The following HTRA1 variants were observed in gnomAD, a reference collection of about 807,000 sequenced individuals.
The protein encoded by HTRA1 is serine protease HTRA1.
Under a neutral mutation model 49.7 loss-of-function variants are expected in HTRA1, and 26 were observed. The observed-to-expected ratio is 0.52, with a 90% CI of 0.38 to 0.73. The LOEUF (loss-of-function observed/expected upper bound fraction) is 0.73. Ranked by LOEUF, HTRA1 falls within the 30% of genes least tolerant of loss-of-function variation. The pLI is 0.00. For synonymous variants in HTRA1, 291 were observed against 286.9 expected (o/e 1.01, Z -0.14); for missense variants, 561 against 667.2 (o/e 0.84, Z 1.75).
chr10:122,508,667 G>T lies in HTRA1; in HGVS notation c.1017G>T (p.Val339=). The change falls in exon 6 of 9, where the codon GTG becomes GTT. Residue 339 remains valine (V), a synonymous_variant. Transcript: ENST00000368984. The part of the protein sequence containing the change: ...GGPLVNLDGE[V]IGINTLKVTA... ...TTCTTGCTTTTCAGGACGGTGAAGTGATTGGAATTAACACTTTGAAAGTGA... is the reference window on the plus strand; with the variant it reads ...TTCTTGCTTTTCAGGACGGTGAAGTTATTGGAATTAACACTTTGAAAGTGA... 6.2e-7 allele frequency: 1 copy of T among 1,609,564 alleles called. No individual in the cohort carries two copies. Among genetic ancestry groups the T allele is most frequent in the Non-Finnish European group, 8.5e-7 (1 of 1,175,802 alleles).
chr10:122,488,433 G>A (rs969637187), intron 1 of HTRA1, among the ~76,000 whole-genome samples: 7 of 152,112 alleles, frequency 4.6e-5, no homozygotes, highest in African/African-American at 1.7e-4. Flanking sequence ...AAGGTGGTGG[G>A]TGCCTGTAAT....
intron 1 of HTRA1, among the ~76,000 whole-genome samples, chr10:122,469,359 G>T (rs1001765234): frequency 3.3e-5 from 5 of 152,198 alleles, no homozygotes; most frequent in African/African-American, 9.6e-5. Flanking sequence ...TTTGGTGCCA[G>T]TTTTCTAAGT....
At chr10:122,489,756 G>A (rs2097494912) in intron 3 of HTRA1, 130 bp downstream of exon 3, 1 of 856,462 alleles carries the variant, frequency 1.2e-6, no homozygotes, top group African/African-American at 1.7e-5. Context: ...AGTCACAGGA[G>A]GGCCTTGAGG....
chr10:122,474,874 T>C (rs1043823598), intron 1 of HTRA1, among the ~76,000 whole-genome samples: 3 of 152,136 alleles, frequency 2.0e-5, no homozygotes, highest in East Asian at 1.9e-4. Context: ...AAGCAAGGAC[T>C]GAAAAACACA....
chr10:122,511,440 A>G (rs1038086715), intron 7 of HTRA1, among the ~76,000 whole-genome samples: 1 of 152,168 alleles, frequency 6.6e-6, no homozygotes, highest in East Asian at 1.9e-4. Context: ...AGAAATAATA[A>G]CAATGATGAT....
At position 122,506,759 on chromosome 10, in the gene HTRA1, C is replaced by A. The variant is rs754351568; in HGVS notation, c.846C>A (p.Ile282=). 1 of 1,613,866 alleles carries A rather than the reference C, an allele frequency of 6.2e-7. No individual in the cohort carries two copies. Among genetic ancestry groups the A allele is most frequent in the South Asian group, 1.1e-5 (1 of 91,076 alleles). Residue 282 remains isoleucine, a synonymous_variant, in exon 4 of 9, where the codon ATC becomes ATA. Coordinates refer to ENST00000368984, the MANE Select transcript of HTRA1 (RefSeq NM_002775.5). This position sits in a 1 kb window ranked among gnomAD's most constrained non-coding sequence, Gnocchi z 5.2. ...GGCCGGGAGAGTTCGTGGTCGCCAT[C>A]GGAAGCCCGTTTTCCCTTCAAAACA... is the stretch of plus-strand genomic sequence containing the variant. ...ELRPGEFVVA[I]GSPFSLQNTV...
chr10:122,503,306 G>A (rs1473403460), intron 3 of HTRA1, among the ~76,000 whole-genome samples: 4 of 152,248 alleles, frequency 2.6e-5, no homozygotes. Context: ...CAATTACCGA[G>A]TAGGAATTTG....
At chr10:122,507,325 T>G in intron 4 of HTRA1, 45 bp from the exon 5 acceptor site, 1 of 1,561,248 alleles carries the variant, frequency 6.4e-7, no homozygotes, top group Non-Finnish European at 8.8e-7. Flanking sequence ...GATTGAACCA[T>G]GTTATGACAC....
chr10:122,480,131 CTG>C (rs1196047169), intron 1 of HTRA1, among the ~76,000 whole-genome samples: 1 of 152,196 alleles, frequency 6.6e-6, no homozygotes, highest in Admixed American at 6.5e-5. Flanking sequence ...GAAAGGGAGA[CTG>C]AGGCTGAAGC....
chr10:122,479,467 G>A (rs2736917), intron 1 of HTRA1, among the ~76,000 whole-genome samples: 123,977 of 152,036 alleles, frequency 0.82, 50,682 homozygotes, highest in South Asian at 0.87. Context: ...GCTTGCAGGA[G>A]TAATTAAAGG....
At position 122,494,384 on chromosome 10, in the gene HTRA1, C is replaced by G. The variant is rs918537972; in HGVS notation, c.777+4758C>G. 2.0e-5 allele frequency among the ~76,000 whole-genome samples: 3 copies of G among 152,150 alleles called. No homozygotes were observed. The highest frequency in any genetic ancestry group is 2.0e-4 in the Admixed American group (3 of 15,284). On this transcript the variant is annotated intron_variant, in intron 3 of 8. Transcript: ENST00000368984. This position sits in a 1 kb window ranked among gnomAD's most constrained non-coding sequence, Gnocchi z 4.0. ...GGGGCTCCTGCATCGAGCTTCCCTC[C>G]TATATTCAATGAGGAAATGACCCTG...
intron 1 of HTRA1, among the ~76,000 whole-genome samples, chr10:122,480,439 G>A (rs2097490500): frequency 6.6e-6 from 1 of 152,200 alleles, no homozygotes; most frequent in South Asian, 2.1e-4. Flanking sequence ...AAGGGGGTTG[G>A]CACACCTGGG....
At chr10:122,504,208 T>A (rs2097502096) in intron 3 of HTRA1, among the ~76,000 whole-genome samples, 1 of 152,162 alleles carries the variant, frequency 6.6e-6, no homozygotes, top group Non-Finnish European at 1.5e-5. Flanking sequence ...TCACAGCTTC[T>A]CCAAAAGTGT....
chr10:122,509,627 C>T (rs2097504707), intron 6 of HTRA1, among the ~76,000 whole-genome samples: 1 of 152,170 alleles, frequency 6.6e-6, no homozygotes. Flanking sequence ...CATTTAAGAA[C>T]AGGGAAGTTT....
rs2097497555 is a variant in HTRA1, at chr10:122,494,405, C to A, written c.777+4779C>A. Among the ~76,000 whole-genome samples, 1 of 152,168 alleles carries A rather than the reference C, an allele frequency of 6.6e-6. No homozygotes were observed. Among genetic ancestry groups the A allele is most frequent in the African/African-American group, 2.4e-5 (1 of 41,442 alleles). On this transcript the variant is annotated intron_variant, in intron 3 of 8. Transcript: ENST00000368984. This position sits in a 1 kb window ranked among gnomAD's most constrained non-coding sequence, Gnocchi z 4.0. ...CCTCCTATATTCAATGAGGAAATGA[C>A]CCTGCAGAAGGCTGGCTGCAGATGC...
At chr10:122,510,291 G>C (rs1293094911) in intron 7 of HTRA1, 138 bp downstream of exon 7, 2 of 755,392 alleles carry the variant, frequency 2.6e-6, no homozygotes, top group South Asian at 1.5e-5. Context: ...AAGTAGCATC[G>C]GGAAAGAGGA....
rs1005142352 is a variant in HTRA1, at chr10:122,462,089, C to T, written c.437C>T (p.Pro146Leu). 4 of 1,534,368 alleles carry T rather than the reference C, an allele frequency of 2.6e-6. No homozygotes were observed. The highest frequency in any genetic ancestry group is 2.6e-6 in the Non-Finnish European group (3 of 1,146,568). ...CGCTCCGAGAGGCTGCACCGGCCGC[C>T]GGTCATCGTCCTGCAGCGCGGAGCC... ...SRRSERLHRP[P>L]VIVLQRGACG... The change falls in exon 1 of 9, where the codon CCG becomes CTG. Residue 146 changes from proline (P) to leucine (L), a missense_variant. Coordinates refer to ENST00000368984, the MANE Select transcript of HTRA1 (RefSeq NM_002775.5).
Position 122,480,258 on chromosome 10 carries a change from C to T in HTRA1, c.473-8644C>T, listed in dbSNP as rs1055602146. 5.3e-5 allele frequency among the ~76,000 whole-genome samples: 8 copies of T among 151,904 alleles called. No individual in the cohort carries two copies. In the East Asian group the frequency reaches 5.8e-4, roughly 11 times the overall value. ...TTAGTGTGGCTGGCCCCACGGGGAA[C>T]GTGTGTGGGTTGGAGTACAACTTGG... On this transcript the variant is annotated intron_variant, in intron 1 of 8. Transcript: ENST00000368984.
At chr10:122,479,854 G>C (rs1234842224) in intron 1 of HTRA1, among the ~76,000 whole-genome samples, 1 of 152,134 alleles carries the variant, frequency 6.6e-6, no homozygotes, top group Non-Finnish European at 1.5e-5. Context: ...ATCAGTTAGG[G>C]GGAGACACTG....
Sources: gnomAD v4.1 joint callset for allele counts (sites outside exome capture counted in the v4.1 genomes callset) on GRCh38, gnomAD v4.1.1 for gene constraint, Gnocchi (gnomAD v3.1) non-coding constraint, MANE v1.5 for transcripts, NCBI Gene and HGNC (gene_info 2026-07-23, HGNC 2026-07-21) for gene names.